The following CPNE8 variants were observed in gnomAD, a reference collection of about 807,000 sequenced individuals.
The protein encoded by CPNE8 is copine 8.
CPNE8 carries 45 observed loss-of-function variants against 81.5 expected under a neutral mutation model. The observed-to-expected ratio is 0.55, with a 90% CI of 0.44 to 0.71. The LOEUF is 0.71. CPNE8 is among the 30% of genes least tolerant of loss of function. The pLI is 0.00. For synonymous variants in CPNE8, 252 were observed against 226.3 expected (o/e 1.11, Z -1.02); for missense variants, 594 against 672.1 (o/e 0.88, Z 1.28).
At chr12:38,771,981 C>T (rs1941813428) in intron 7 of CPNE8, among the ~76,000 whole-genome samples, 1 of 152,116 alleles carries the variant, frequency 6.6e-6, no homozygotes, top group South Asian at 2.1e-4. Context: ...GGAGGTGGGG[C>T]CCCATGGAAG....
chr12:38,741,285 T>C (rs1941097679), intron 10 of CPNE8, among the ~76,000 whole-genome samples: 1 of 152,096 alleles, frequency 6.6e-6, no homozygotes, highest in Non-Finnish European at 1.5e-5. Flanking sequence ...CAAACTATAC[T>C]ACAAGGCTAC....
chr12:38,844,744 A>T (rs1179779817), intron 4 of CPNE8, among the ~76,000 whole-genome samples: 3 of 152,084 alleles, frequency 2.0e-5, no homozygotes, highest in Non-Finnish European at 4.4e-5. Flanking sequence ...CAGCACTGAA[A>T]TTTTTTTAAG....
intron 19 of CPNE8, among the ~76,000 whole-genome samples, chr12:38,661,041 A>C (rs1352643831): frequency 9.2e-5 from 14 of 152,204 alleles, no homozygotes; most frequent in Middle Eastern, 3.2e-3. Context: ...ATTGTGGAAG[A>C]CAGTGTGGCG....
intron 6 of CPNE8, among the ~76,000 whole-genome samples, chr12:38,805,628 A>T (rs1408670391): frequency 9.1e-6 from 1 of 110,332 alleles, no homozygotes; most frequent in Admixed American, 9.2e-5. Context: ...AACCTGCACA[A>T]TGTGCACATG....
At chr12:38,824,681 A>T (rs1943161838) in intron 6 of CPNE8, among the ~76,000 whole-genome samples, 1 of 152,220 alleles carries the variant, frequency 6.6e-6, no homozygotes, top group Non-Finnish European at 1.5e-5. Context: ...GTACTTGGAT[A>T]ATGCTACTTA....
intron 19 of CPNE8, among the ~76,000 whole-genome samples, chr12:38,666,669 CA>C (rs1939062392): frequency 2.6e-5 from 4 of 152,096 alleles, no homozygotes; most frequent in Admixed American, 6.6e-5. Context: ...AGATAAAGTA[CA>C]GTGTGTTTGT....
At chr12:38,789,103 C>T (rs1942265865) in intron 6 of CPNE8, among the ~76,000 whole-genome samples, 1 of 151,654 alleles carries the variant, frequency 6.6e-6, no homozygotes, top group Non-Finnish European at 1.5e-5. Flanking sequence ...AAAAACAATC[C>T]TAAAATATAT....
chr12:38,790,685 C>T (rs960040070), intron 6 of CPNE8, among the ~76,000 whole-genome samples: 4 of 151,518 alleles, frequency 2.6e-5, no homozygotes, highest in Non-Finnish European at 5.9e-5. Context: ...ACATTGCATG[C>T]CTATATCAAA....
intron 6 of CPNE8, among the ~76,000 whole-genome samples, chr12:38,799,697 C>T (rs1466810098): frequency 6.6e-6 from 1 of 151,692 alleles, no homozygotes; most frequent in East Asian, 2.0e-4. Context: ...CAGCTCCCAG[C>T]GTGAGCGACG....
At chr12:38,874,116 A>G (rs575573368) in intron 2 of CPNE8, among the ~76,000 whole-genome samples, 1 of 152,038 alleles carries the variant, frequency 6.6e-6, no homozygotes, top group Non-Finnish European at 1.5e-5. Flanking sequence ...TTCATTTAAA[A>G]AAAAAAGAAA....
intron 1 of CPNE8, among the ~76,000 whole-genome samples, chr12:38,902,393 G>GAAAGAAAGAAAGCA (rs1555172180): frequency 1.8e-5 from 1 of 54,630 alleles, no homozygotes; most frequent in Non-Finnish European, 3.6e-5. Flanking sequence ...AAGAAAGAAA[G>GAAAGAAAGAAAGCA]AGAAAGAAAG....
chr12:38,846,660 C>A (rs1418730453), intron 4 of CPNE8, among the ~76,000 whole-genome samples: 1 of 152,072 alleles, frequency 6.6e-6, no homozygotes, highest in Non-Finnish European at 1.5e-5. Context: ...TGACTCAATT[C>A]ATATAATTAA....
chr12:38,687,370 C>CTTTTTTTTTTTTTTTTTTTTTTTTTTTT (rs35643732), intron 15 of CPNE8, among the ~76,000 whole-genome samples: 3 of 95,494 alleles, frequency 3.1e-5, no homozygotes, highest in Non-Finnish European at 6.4e-5. Flanking sequence ...AATGCCAAGA[C>CTTTTTTTTTTTTTTTTTTTTTTTTTTTT]TTTCTTTTTT....
At chr12:38,858,633 G>C (rs1183870524) in intron 3 of CPNE8, among the ~76,000 whole-genome samples, 2 of 152,190 alleles carry the variant, frequency 1.3e-5, no homozygotes, top group Non-Finnish European at 2.9e-5. Context: ...ATGGTAAACT[G>C]ACATGGCACA....
At chr12:38,827,138 G>A (rs115720983) in intron 6 of CPNE8, among the ~76,000 whole-genome samples, 1,835 of 146,334 alleles carry the variant, frequency 0.013, 46 homozygotes, top group African/African-American at 0.043. Flanking sequence ...CAGAGATTGC[G>A]CCTGGACAAC....
intron 10 of CPNE8, among the ~76,000 whole-genome samples, chr12:38,739,007 T>C (rs1388012951): frequency 6.6e-6 from 1 of 151,898 alleles, no homozygotes; most frequent in Non-Finnish European, 1.5e-5. Context: ...GAGATGGGGT[T>C]TCACCATGTG....
chr12:38,762,679 CTAATT>C (rs1941596735), intron 8 of CPNE8, among the ~76,000 whole-genome samples: 1 of 152,010 alleles, frequency 6.6e-6, no homozygotes, highest in African/African-American at 2.4e-5. Flanking sequence ...AAAAGTTAGG[CTAATT>C]TAAGGGAAAA....
intron 15 of CPNE8, 78 bp from the exon 16 acceptor site, chr12:38,685,695 G>A (rs939631559): frequency 2.0e-6 from 3 of 1,473,582 alleles, no homozygotes; most frequent in Non-Finnish European, 9.3e-7. Flanking sequence ...TGAAAGAGAT[G>A]AGAATAATAC....
intron 1 of CPNE8, among the ~76,000 whole-genome samples, chr12:38,893,503 C>T (rs902560204): frequency 6.6e-6 from 1 of 152,260 alleles, no homozygotes; most frequent in African/African-American, 2.4e-5. Context: ...GAATAATCCA[C>T]CCTTGGTTTA....
Sources: allele counts gnomAD v4.1 joint callset (sites outside exome capture counted in the v4.1 genomes callset), GRCh38; gene constraint gnomAD v4.1.1; transcripts MANE v1.5; gene names NCBI Gene and HGNC (gene_info 2026-07-23, HGNC 2026-07-21).